The following CEP85L variants were observed in gnomAD, a reference collection of about 807,000 sequenced individuals.
CEP85L encodes the protein centrosomal protein 85L, also known as centrosomal protein of 85 kDa-like.
Under a neutral mutation model 100.3 loss-of-function variants are expected in CEP85L, and 60 were observed. The observed-to-expected ratio is 0.60, with a 90% CI of 0.49 to 0.74. CEP85L has a LOEUF of 0.74. CEP85L is among the 30% of genes least tolerant of loss of function. The probability of loss-of-function intolerance (pLI) is 0.00; values close to 1 mark genes in which losing one functional copy is unlikely to be tolerated. For missense variants in CEP85L, 973 were observed against 936.2 expected, an observed-to-expected ratio of 1.04 and a Z score of -0.51; for synonymous variants, 319 against 322.7, an observed-to-expected ratio of 0.99 and a Z score of 0.12.
intron 2 of CEP85L, among the ~76,000 whole-genome samples, chr6:118,630,450 T>C (rs987008875): frequency 1.3e-5 from 2 of 152,074 alleles, no homozygotes; most frequent in African/African-American, 4.8e-5. Context: ...GCTGACAGAG[T>C]TGAAAGCTGA....
intron 5 of CEP85L, among the ~76,000 whole-genome samples, chr6:118,496,397 T>TTTTATTTTATTTTATTTTAC (rs59603556): frequency 6.6e-6 from 1 of 151,540 alleles, no homozygotes; most frequent in Non-Finnish European, 1.5e-5. Flanking sequence ...TTTTATTTTA[T>TTTTATTTTATTTTATTTTAC]GAGGCTGGAG....
chr6:118,541,068 T>A (rs1017880683), intron 3 of CEP85L, among the ~76,000 whole-genome samples: 15 of 152,214 alleles, frequency 9.9e-5, no homozygotes, highest in Non-Finnish European at 2.1e-4. Context: ...AAAATCAATG[T>A]ATTAATACTG....
At chr6:118,529,563 G>A (rs1249901163) in intron 3 of CEP85L, among the ~76,000 whole-genome samples, 2 of 135,966 alleles carry the variant, frequency 1.5e-5, no homozygotes, top group East Asian at 2.3e-4. Context: ...AGCCGAGATC[G>A]CACCACTGCA....
rs1554228039 is a variant in CEP85L, at chr6:118,600,300, G to GTGTGTGT, written c.232+32152_232+32153insACACACA. Reference sequence around the variant, plus strand: ...CTGCCTGTCCCTGAGCCTTCCTGGGGGTGTGTGTGTGTGTGTGTGTGTGTG... The same window carrying GTGTGTGT: ...CTGCCTGTCCCTGAGCCTTCCTGGGGTGTGTGTGTGTGTGTGTGTGTGTGTGTGTGTG... On this transcript the variant is annotated intron_variant, in intron 2 of 12. Transcript: ENST00000368491. Among the ~76,000 whole-genome samples, 429 of 52,236 alleles carry GTGTGTGT rather than the reference G, an allele frequency of 8.2e-3. 88 individuals are homozygous for GTGTGTGT. The highest frequency in any genetic ancestry group is 0.012 in the Admixed American group (59 of 4,836). 34.3% of individuals were successfully genotyped at this position (52,236 alleles called of 152,430 possible).
chr6:118,645,066 C>T (rs528863968), intron 1 of CEP85L, among the ~76,000 whole-genome samples: 1 of 152,358 alleles, frequency 6.6e-6, no homozygotes, highest in East Asian at 1.9e-4. Context: ...CAACCCCTAA[C>T]ATTATTATCA....
intron 10 of CEP85L, among the ~76,000 whole-genome samples, chr6:118,478,224 T>C (rs1773529541): frequency 6.6e-6 from 1 of 152,126 alleles, no homozygotes; most frequent in Non-Finnish European, 1.5e-5. Flanking sequence ...ACAAGCAATA[T>C]TTTCAGATTT....
At position 118,558,626 on chromosome 6, in the gene CEP85L, T is replaced by TAC. The variant is rs371775061; in HGVS notation, c.1020+6901_1020+6902dup. On this transcript the variant is annotated intron_variant, in intron 3 of 12. Transcript: ENST00000368491. ...ACAGACACATAGAAACACGTGCACA[T>TAC]ACACACACACACACACACACACACA... is the stretch of plus-strand genomic sequence containing the variant. Among the ~76,000 whole-genome samples, 6,639 of 111,504 alleles carry TAC rather than the reference T, an allele frequency of 0.06. 189 individuals carry two copies. The highest frequency in any genetic ancestry group is 0.077 in the Middle Eastern group (16 of 208). 73.2% of individuals were successfully genotyped at this position (111,504 alleles called of 152,430 possible). A position where few individuals can be genotyped will look rare whatever the true frequency, so the allele number is the denominator to read the frequency against.
At position 118,680,306 on chromosome 6, in the gene CEP85L, C is replaced by CTT. The variant is rs57764027; in HGVS notation, c.-27-27500_-27-27499dup. Among the ~76,000 whole-genome samples, 236 of 56,142 alleles carry CTT rather than the reference C, an allele frequency of 4.2e-3. 4 individuals are homozygous for CTT. The Admixed American group carries it at 0.046, about 11-fold the overall frequency. 36.8% of individuals were successfully genotyped at this position (56,142 alleles called of 152,430 possible). On this transcript the variant is annotated intron_variant, in intron 1 of 13. Coordinates refer to the CEP85L transcript ENST00000368488. ...AAAAAAGAATCTTTCCTTGGTGTTG[C>CTT]TTTTTTTTTTTTTTTTTTTTTTTTG...
At chr6:118,648,361 A>C (rs1775335597) in intron 1 of CEP85L, among the ~76,000 whole-genome samples, 2 of 152,268 alleles carry the variant, frequency 1.3e-5, no homozygotes, top group South Asian at 4.1e-4. Context: ...AGCGAAGGCT[A>C]AAAGTTCAGT....
chr6:118,548,624 G>A (rs1364590429), intron 3 of CEP85L, among the ~76,000 whole-genome samples: 1 of 151,932 alleles, frequency 6.6e-6, no homozygotes, highest in Non-Finnish European at 1.5e-5. Context: ...TTTGATCCTG[G>A]TTACTGGTTT....
chr6:118,531,699 GA>G (rs2114829649), intron 3 of CEP85L, among the ~76,000 whole-genome samples: 1 of 152,174 alleles, frequency 6.6e-6, no homozygotes, highest in East Asian at 1.9e-4. Flanking sequence ...GAAGGAAAAA[GA>G]CATGAACAGA....
intron 11 of CEP85L, 128 bp from the exon 12 acceptor site, chr6:118,469,431 C>A: frequency 1.5e-6 from 1 of 649,902 alleles, no homozygotes; most frequent in Non-Finnish European, 2.7e-6. Context: ...GCACATTAAC[C>A]AAATTCAACT....
At chr6:118,686,350 T>G (rs1776831579) in intron 1 of CEP85L, among the ~76,000 whole-genome samples, 1 of 152,156 alleles carries the variant, frequency 6.6e-6, no homozygotes, top group African/African-American at 2.4e-5. Flanking sequence ...TCCAGTAAAA[T>G]CTCTCCTGCT....
intron 2 of CEP85L, among the ~76,000 whole-genome samples, chr6:118,608,980 T>G (rs1386595928): frequency 6.6e-6 from 1 of 152,224 alleles, no homozygotes; most frequent in Non-Finnish European, 1.5e-5. Flanking sequence ...CTTATCTTAA[T>G]GGCTAAATCT....
intron 2 of CEP85L, among the ~76,000 whole-genome samples, chr6:118,598,528 G>A (rs956317645): frequency 6.6e-6 from 1 of 152,162 alleles, no homozygotes; most frequent in South Asian, 2.1e-4. Flanking sequence ...TATGAAGACA[G>A]AAAGCTCAGG....
intron 4 of CEP85L, among the ~76,000 whole-genome samples, chr6:118,522,737 G>A (rs1776737378): frequency 6.6e-6 from 1 of 152,072 alleles, no homozygotes; most frequent in Admixed American, 6.6e-5. Context: ...ACTTTAGCCA[G>A]GTATGGTGGT....
intron 5 of CEP85L, among the ~76,000 whole-genome samples, chr6:118,493,112 T>G (rs1774684051): frequency 1.3e-5 from 2 of 152,142 alleles, no homozygotes. Context: ...ATGAAGACAT[T>G]GAGCGAATGA....
intron 2 of CEP85L, among the ~76,000 whole-genome samples, chr6:118,568,805 A>G (rs986176301): frequency 3.3e-5 from 5 of 152,186 alleles, no homozygotes; most frequent in African/African-American, 1.2e-4. Context: ...TTCTAAATAG[A>G]AACAGGACAG....
At chr6:118,571,931 A>G (rs1362410964) in intron 2 of CEP85L, among the ~76,000 whole-genome samples, 1 of 152,182 alleles carries the variant, frequency 6.6e-6, no homozygotes. Flanking sequence ...ATCTCAGCTC[A>G]CCACAACCTC....
Sources: allele counts gnomAD v4.1 joint callset (sites outside exome capture counted in the v4.1 genomes callset), GRCh38; gene constraint gnomAD v4.1.1; transcripts MANE v1.5; gene names NCBI Gene and HGNC (gene_info 2026-07-23, HGNC 2026-07-21).